The following ELAPOR2 variants were observed in gnomAD, a reference collection of about 807,000 sequenced individuals.
The protein encoded by ELAPOR2 is endosome/lysosome-associated apoptosis and autophagy regulator family member 2.
Under a neutral mutation model 120.7 loss-of-function variants are expected in ELAPOR2, and 89 were observed. That is an observed-to-expected ratio of 0.74 (90% confidence interval 0.62 to 0.88). The LOEUF (loss-of-function observed/expected upper bound fraction) is 0.88. Ranked by LOEUF, ELAPOR2 falls within the 40% of genes least tolerant of loss-of-function variation. The pLI, the probability that ELAPOR2 is intolerant of heterozygous loss-of-function variation, is 0.00. For missense variants in ELAPOR2, 1,134 were observed against 1,251.6 expected, an observed-to-expected ratio of 0.91 and a Z score of 1.42; for synonymous variants, 444 against 444.9, an observed-to-expected ratio of 1.00 and a Z score of 0.03.
intron 1 of ELAPOR2, among the ~76,000 whole-genome samples, chr7:86,968,306 G>C (rs1231934157): frequency 6.6e-6 from 1 of 152,102 alleles, no homozygotes; most frequent in Non-Finnish European, 1.5e-5. Context: ...AGAAAAAGTA[G>C]ATTATTTCTC....
intron 19 of ELAPOR2, 78 bp from the exon 20 acceptor site, chr7:86,893,178 A>G: frequency 8.7e-7 from 1 of 1,142,948 alleles, no homozygotes; most frequent in Non-Finnish European, 1.2e-6. Flanking sequence ...TAGATTTGTC[A>G]CTGGTCAATT....
intron 1 of ELAPOR2, among the ~76,000 whole-genome samples, chr7:87,050,348 A>G (rs572571846): frequency 6.6e-6 from 1 of 152,176 alleles, no homozygotes; most frequent in East Asian, 1.9e-4. Flanking sequence ...GCTTGGTGCT[A>G]TCTTTGCAAT....
chr7:87,000,740 T>A (rs939936929), intron 1 of ELAPOR2, among the ~76,000 whole-genome samples: 2 of 152,136 alleles, frequency 1.3e-5, no homozygotes, highest in African/African-American at 4.8e-5. Flanking sequence ...AAACAAAACA[T>A]CATCTACTGA....
Position 86,897,562 on chromosome 7 carries a change from G to A in ELAPOR2, c.2629C>T (p.Leu877=), listed in dbSNP as rs754257028. Residue 877 remains leucine, a synonymous_variant, in exon 19 of 22, where the codon CTG becomes TTG. Transcript: ENST00000450689. Reference sequence around the variant, plus strand: ...TCATGGAAGTCATGCTCCGTACACAGAGGGCAAGCTTCAGCACTCTCCCAC... The same window carrying A: ...TCATGGAAGTCATGCTCCGTACACAAAGGGCAAGCTTCAGCACTCTCCCAC... ...FLWESAEACP[L]CTEHDFHEIE... is the part of the protein sequence containing the mutation. 3 of 1,613,344 alleles carry A rather than the reference G, an allele frequency of 1.9e-6. No individual in the cohort carries two copies. The highest frequency in any genetic ancestry group is 1.1e-5 in the South Asian group (1 of 91,064).
chr7:87,049,382 C>T (rs966751768), intron 1 of ELAPOR2, among the ~76,000 whole-genome samples: 3 of 151,952 alleles, frequency 2.0e-5, no homozygotes, highest in Admixed American at 1.3e-4. Flanking sequence ...CCCGGGTTCA[C>T]GCCATTCTCC....
Position 86,907,683 on chromosome 7 carries a change from T to G in ELAPOR2, c.2545A>C (p.Ile849Leu), listed in dbSNP as rs777318175. The G allele has an allele frequency of 1.9e-6, 3 of 1,572,834 alleles. No individual in the cohort carries two copies. Among genetic ancestry groups the G allele is most frequent in the Admixed American group, 4.0e-5 (2 of 49,910 alleles). Reference protein sequence around the residue: ...CNPTKSGAGVISVPSKCPAGT... With the variant: ...CNPTKSGAGVLSVPSKCPAGT... ...AAATAAGGATACCTGGGGACTGAAA[T>G]CACTCCTGCTCCAGATTTAGTAGGA... Residue 849 changes from isoleucine to leucine, a missense_variant, in exon 18 of 22, where the codon ATT (isoleucine) becomes CTT (leucine). By Grantham distance (5) the Ile-to-Leu change is conservative (BLOSUM62 2). Transcript: ENST00000450689.
At chr7:86,985,526 C>T (rs1175206566) in intron 1 of ELAPOR2, among the ~76,000 whole-genome samples, 4 of 152,174 alleles carry the variant, frequency 2.6e-5, no homozygotes, top group Admixed American at 1.3e-4. Context: ...GAATGCAAGG[C>T]TGGTTCAACA....
intron 8 of ELAPOR2, among the ~76,000 whole-genome samples, chr7:86,932,154 TGA>T (rs1790357972): frequency 6.6e-6 from 1 of 151,916 alleles, no homozygotes. Flanking sequence ...TCAAGAGCTG[TGA>T]GGATACTAGT....
chr7:86,898,579 A>G (rs1188023853), intron 18 of ELAPOR2, among the ~76,000 whole-genome samples: 1 of 151,646 alleles, frequency 6.6e-6, no homozygotes, highest in Non-Finnish European at 1.5e-5. Context: ...AAAAAAAAAA[A>G]AGGCTCTGGA....
chr7:87,035,609 T>C (rs563374171), intron 1 of ELAPOR2, among the ~76,000 whole-genome samples: 2 of 152,310 alleles, frequency 1.3e-5, no homozygotes, highest in South Asian at 4.1e-4. Context: ...CCTTTGTCAA[T>C]ATCCCTCTTC....
intron 1 of ELAPOR2, among the ~76,000 whole-genome samples, chr7:87,022,109 AG>A (rs1288379904): frequency 6.6e-6 from 1 of 152,152 alleles, no homozygotes; most frequent in East Asian, 1.9e-4. Context: ...TTTAAGTTTT[AG>A]GGTACATGTG....
intron 1 of ELAPOR2, among the ~76,000 whole-genome samples, chr7:87,036,056 C>T (rs1182936582): frequency 1.3e-5 from 2 of 152,210 alleles, no homozygotes; most frequent in Non-Finnish European, 2.9e-5. Context: ...GATGTTCTTT[C>T]AGTTTAGCAT....
At chr7:86,889,570 C>T (rs558682155) in intron 21 of ELAPOR2, among the ~76,000 whole-genome samples, 1 of 151,644 alleles carries the variant, frequency 6.6e-6, no homozygotes, top group Admixed American at 6.6e-5. Flanking sequence ...GATTTACTTC[C>T]GGGGGGGACA....
chr7:86,947,511 C>A (rs900968224), intron 3 of ELAPOR2, among the ~76,000 whole-genome samples: 1 of 152,184 alleles, frequency 6.6e-6, no homozygotes, highest in Non-Finnish European at 1.5e-5. Flanking sequence ...AGCTTTATTG[C>A]ATTTTTGCAT....
At chr7:87,037,683 GC>G (rs1433091211) in intron 1 of ELAPOR2, among the ~76,000 whole-genome samples, 8 of 152,196 alleles carry the variant, frequency 5.3e-5, no homozygotes, top group Middle Eastern at 3.4e-3. Context: ...TGTTAATAGC[GC>G]TTCATAGCTT....
chr7:87,004,585 T>C (rs1793415103), intron 1 of ELAPOR2, among the ~76,000 whole-genome samples: 1 of 152,140 alleles, frequency 6.6e-6, no homozygotes, highest in Non-Finnish European at 1.5e-5. Context: ...CTGCCTGCCC[T>C]GTCATCTGCC....
In ELAPOR2 at chr7:86,919,294, T is replaced by C; in HGVS notation, c.1416A>G (p.Gly472=). Reference sequence around the variant, plus strand: ...CTCCAGCCCCACTCTGGATATGATCTCCAGCCACCTCCCAACCTAGAAGTA... The same window carrying C: ...CTCCAGCCCCACTCTGGATATGATCCCCAGCCACCTCCCAACCTAGAAGTA... ...CDGMNGWEVA[G]DHIQSGAGGS... The change falls in exon 11 of 22, where the codon GGA becomes GGG. Residue 472 remains glycine (G), a synonymous_variant. Transcript: ENST00000450689. 6.2e-7 allele frequency: 1 copy of C among 1,607,760 alleles called. No homozygotes were observed. Among genetic ancestry groups the C allele is most frequent in the Non-Finnish European group, 8.5e-7 (1 of 1,176,214 alleles).
chr7:86,921,353 G>A (rs1789820338), intron 10 of ELAPOR2, among the ~76,000 whole-genome samples: 2 of 152,082 alleles, frequency 1.3e-5, no homozygotes, highest in Admixed American at 6.6e-5. Context: ...CACAGATGTA[G>A]ACACACAGGG....
rs372000019 is a variant in ELAPOR2, at chr7:86,925,558, C to T, written c.1369G>A (p.Val457Ile). ...ATTCCATCGCACTTTGAATTCCCAA[C>T]ATTGAAGCAGGAAGTTTTCATGTTG... ...PGNMKTSCFN[V>I]GNSKCDGMNG... Residue 457 changes from valine (V) to isoleucine (I), a missense_variant, in exon 10 of 22, where the codon GTT (valine) becomes ATT (isoleucine). Coordinates refer to ENST00000450689, the MANE Select transcript of ELAPOR2 (RefSeq NM_001142749.3). 7 of 1,611,924 alleles carry T rather than the reference C, an allele frequency of 4.3e-6. No individual in the cohort carries two copies. In the African/African-American group the frequency reaches 6.7e-5, roughly 15 times the overall value.
Sources: allele counts gnomAD v4.1 joint callset (sites outside exome capture counted in the v4.1 genomes callset), GRCh38; gene constraint gnomAD v4.1.1; transcripts MANE v1.5; gene names NCBI Gene and HGNC (gene_info 2026-07-23, HGNC 2026-07-21).